The following GALNT13 variants were observed in gnomAD, a reference collection of about 807,000 sequenced individuals.
GALNT13 encodes polypeptide N-acetylgalactosaminyltransferase 13, also known as UDP-GalNAc:polypeptide N-acetylgalactosaminyltransferase 13.
A neutral mutation model predicts 64.2 loss-of-function variants in GALNT13; 28 were observed. That is an observed-to-expected ratio of 0.44 (90% CI 0.32 to 0.60). The LOEUF (loss-of-function observed/expected upper bound fraction) is 0.60. GALNT13 is among the 20% of genes least tolerant of loss of function. GALNT13 has a pLI of 0.05. For synonymous variants in GALNT13, 214 were observed against 224.6 expected (o/e 0.95, Z 0.42); for missense variants, 577 against 669.8 (o/e 0.86, Z 1.53).
the GALNT13 span, among the ~76,000 whole-genome samples, chr2:153,814,465 GTAAATAAA>G: frequency 0.066 from 9,799 of 148,808 alleles, 420 homozygotes; most frequent in African/African-American, 0.11. Context: ...AAGTAAGTAA[GTAAATAAA>G]TAAATAAATA....
intron 3 of GALNT13, among the ~76,000 whole-genome samples, chr2:154,089,543 G>A (rs922288792): frequency 6.6e-6 from 1 of 152,006 alleles, no homozygotes; most frequent in African/African-American, 2.4e-5. Flanking sequence ...CAGAGATTTG[G>A]GAATGGGGGC....
the GALNT13 span, among the ~76,000 whole-genome samples, chr2:153,144,408 T>C: frequency 6.6e-6 from 1 of 152,046 alleles, no homozygotes; most frequent in Non-Finnish European, 1.5e-5. Flanking sequence ...CTGCAAACAC[T>C]TTACTCCTAT....
At chr2:154,286,024 A>G (rs188393473) in intron 8 of GALNT13, among the ~76,000 whole-genome samples, 240 of 152,232 alleles carry the variant, frequency 1.6e-3, no homozygotes, top group African/African-American at 5.0e-3. Context: ...AATACAAGTG[A>G]TTTTTGTATT....
At chr2:153,813,487 A>T in the GALNT13 span, among the ~76,000 whole-genome samples, 8 of 151,944 alleles carry the variant, frequency 5.3e-5, no homozygotes, top group Non-Finnish European at 1.2e-4. Flanking sequence ...ATTCCCCATT[A>T]TGAGTTATGG....
the GALNT13 span, among the ~76,000 whole-genome samples, chr2:153,370,284 G>C: frequency 6.6e-6 from 1 of 151,982 alleles, no homozygotes; most frequent in African/African-American, 2.4e-5. Flanking sequence ...TTTCTTCTAA[G>C]AAATAAAGAG....
At chr2:153,401,970 A>G in the GALNT13 span, among the ~76,000 whole-genome samples, 2 of 147,604 alleles carry the variant, frequency 1.4e-5, 1 homozygote, top group African/African-American at 5.1e-5. Context: ...TCCTGTCATT[A>G]TGATGTTAGC....
chr2:154,397,232 G>A (rs1053053647), intron 10 of GALNT13, among the ~76,000 whole-genome samples: 2 of 151,178 alleles, frequency 1.3e-5, no homozygotes, highest in African/African-American at 4.9e-5. Context: ...CCAGGAGATC[G>A]ACACCATCCT....
chr2:153,184,890 T>C, the GALNT13 span, among the ~76,000 whole-genome samples: 4 of 152,338 alleles, frequency 2.6e-5, no homozygotes, highest in African/African-American at 9.6e-5. Context: ...GATTTTTGCA[T>C]TGATGTTCAT....
intron 9 of GALNT13, among the ~76,000 whole-genome samples, chr2:154,320,023 A>T (rs1385417631): frequency 1.3e-5 from 2 of 152,020 alleles, no homozygotes; most frequent in African/African-American, 2.4e-5. Context: ...TATATCCCTC[A>T]TATATCATGA....
the GALNT13 span, among the ~76,000 whole-genome samples, chr2:153,800,671 A>G: frequency 6.6e-6 from 1 of 152,182 alleles, no homozygotes; most frequent in African/African-American, 2.4e-5. Context: ...TCACCAGTAG[A>G]ACCTAACTCA....
chr2:153,478,834 C>T, the GALNT13 span: 4 of 416,090 alleles, frequency 9.6e-6, no homozygotes, highest in Non-Finnish European at 8.8e-6. Flanking sequence ...TGGAACTTGG[C>T]GGGGCTGGAC....
At chr2:153,288,072 T>C in the GALNT13 span, among the ~76,000 whole-genome samples, 11 of 152,284 alleles carry the variant, frequency 7.2e-5, no homozygotes, top group Admixed American at 2.0e-4. Flanking sequence ...TGGGGCATAG[T>C]TGGTAAAACC....
At chr2:154,033,732 G>C (rs1213485084) in intron 3 of GALNT13, among the ~76,000 whole-genome samples, 1 of 152,182 alleles carries the variant, frequency 6.6e-6, no homozygotes, top group Non-Finnish European at 1.5e-5. Context: ...GAGGTCAGGA[G>C]TTGGAGACCA....
chr2:154,245,857 T>G lies in GALNT13; in HGVS notation c.732T>G (p.Thr244=). The G allele has an allele frequency of 6.2e-7, 1 of 1,613,098 alleles. No homozygotes were observed. Among genetic ancestry groups the G allele is most frequent in the Non-Finnish European group, 8.5e-7 (1 of 1,179,286 alleles). The change falls in exon 7 of 13, where the codon ACT becomes ACG. Residue 244 remains threonine (T), a synonymous_variant. Coordinates refer to ENST00000392825, the MANE Select transcript of GALNT13 (RefSeq NM_052917.4). Reference sequence around the variant, plus strand: ...TCATTGATGTGATTAGTGATGATACTTTTGAATATATGGCTGGGTCAGACA... The same window carrying G: ...TCATTGATGTGATTAGTGATGATACGTTTGAATATATGGCTGGGTCAGACA... ...CPIIDVISDD[T]FEYMAGSDMT...
chr2:154,218,717 C>G (rs367671986), intron 4 of GALNT13, among the ~76,000 whole-genome samples: 5 of 152,052 alleles, frequency 3.3e-5, no homozygotes, highest in Middle Eastern at 3.2e-3. Context: ...CTCAGCATTA[C>G]GTTTCAAGCT....
chr2:153,235,403 A>G, the GALNT13 span, among the ~76,000 whole-genome samples: 4 of 152,078 alleles, frequency 2.6e-5, no homozygotes, highest in Non-Finnish European at 5.9e-5. Context: ...GACACTTGGG[A>G]AACTCTCCTT....
At chr2:153,895,411 C>A (rs575359846) in intron 1 of GALNT13, among the ~76,000 whole-genome samples, 1 of 152,128 alleles carries the variant, frequency 6.6e-6, no homozygotes, top group African/African-American at 2.4e-5. Context: ...AATTATTTTA[C>A]TAAAGTTGCT....
At chr2:153,985,892 G>A (rs1359896769) in intron 3 of GALNT13, among the ~76,000 whole-genome samples, 5 of 151,990 alleles carry the variant, frequency 3.3e-5, no homozygotes, top group Non-Finnish European at 5.9e-5. Context: ...GGAAATCTTT[G>A]GCTGTATTTA....
At chr2:154,114,992 G>C (rs1466473509) in intron 3 of GALNT13, among the ~76,000 whole-genome samples, 1 of 152,198 alleles carries the variant, frequency 6.6e-6, no homozygotes, top group East Asian at 1.9e-4. Context: ...CCCACCGTTA[G>C]ATCTGACATA....
Sources: gnomAD v4.1 joint callset for allele counts (sites outside exome capture counted in the v4.1 genomes callset) on GRCh38, gnomAD v4.1.1 for gene constraint, MANE v1.5 for transcripts, NCBI Gene and HGNC (gene_info 2026-07-23, HGNC 2026-07-21) for gene names.